Variants in MYLK4 observed in about 807,000 individuals in gnomAD.
MYLK4 encodes myosin light chain kinase family member 4, also known as caMLCK like.
In MYLK4, 46 loss-of-function variants were observed where a neutral mutation model predicts 48.1. The ratio of observed to expected loss-of-function variants is 0.96; its 90% CI spans 0.75 to 1.22. The LOEUF (loss-of-function observed/expected upper bound fraction) is 1.22, where lower values mean the gene tolerates loss of function less well. Among genes scored for constraint, MYLK4 ranks in the 50% most tolerant of loss-of-function variants. The pLI is 0.00. For missense variants in MYLK4, 451 were observed against 486.1 expected (o/e 0.93, Z 0.68); for synonymous variants, 170 against 180.8 (o/e 0.94, Z 0.48).
intron 2 of MYLK4, among the ~76,000 whole-genome samples, chr6:2,696,326 G>A (rs1381831182): frequency 3.3e-5 from 5 of 152,188 alleles, no homozygotes. Context: ...CTTATGGATT[G>A]AATGTATCCC....
chr6:2,737,778 T>C (rs981095869), intron 2 of MYLK4, among the ~76,000 whole-genome samples: 38 of 152,050 alleles, frequency 2.5e-4, no homozygotes, highest in African/African-American at 8.9e-4. Flanking sequence ...ACTAGATCTG[T>C]AGGACTCTGA....
intron 2 of MYLK4, among the ~76,000 whole-genome samples, chr6:2,700,951 G>C (rs1009454766): frequency 3.9e-5 from 6 of 152,128 alleles, no homozygotes; most frequent in Non-Finnish European, 7.4e-5. Context: ...TTGCCTTCTT[G>C]GGATTCCGTC....
chr6:2,750,501 A>C (rs1158777224), intron 1 of MYLK4, among the ~76,000 whole-genome samples: 1 of 152,248 alleles, frequency 6.6e-6, no homozygotes, highest in Non-Finnish European at 1.5e-5. Context: ...GCTATTTCTA[A>C]GGCAAACTAC....
chr6:2,765,193 C>CA, the MYLK4 span, among the ~76,000 whole-genome samples: 1 of 84,296 alleles, frequency 1.2e-5, no homozygotes, highest in Non-Finnish European at 2.7e-5. Flanking sequence ...CCCCCCCCCC[C>CA]GCCCCTCCCC....
At chr6:2,696,709 A>G (rs1248468670) in intron 2 of MYLK4, among the ~76,000 whole-genome samples, 13 of 152,270 alleles carry the variant, frequency 8.5e-5, no homozygotes, top group Non-Finnish European at 4.4e-5. Context: ...TTTTAAAAAT[A>G]TATTGATACA....
At chr6:2,724,334 G>A (rs1317691318) in intron 2 of MYLK4, among the ~76,000 whole-genome samples, 1 of 152,204 alleles carries the variant, frequency 6.6e-6, no homozygotes, top group Non-Finnish European at 1.5e-5. Flanking sequence ...CCAAAAAGGA[G>A]TTGTCCTGGA....
the MYLK4 span, among the ~76,000 whole-genome samples, chr6:2,763,656 A>G: frequency 2.8e-4 from 43 of 152,136 alleles, no homozygotes; most frequent in African/African-American, 9.9e-4. Flanking sequence ...CTCCCACCAT[A>G]CTTCCCCACA....
At chr6:2,761,017 C>A in the MYLK4 span, among the ~76,000 whole-genome samples, 1 of 152,112 alleles carries the variant, frequency 6.6e-6, no homozygotes, top group African/African-American at 2.4e-5. Context: ...TAACTGGACT[C>A]AACTGTCCAG....
chr6:2,727,482 C>T (rs1451329418), intron 2 of MYLK4, among the ~76,000 whole-genome samples: 1 of 151,944 alleles, frequency 6.6e-6, no homozygotes, highest in Non-Finnish European at 1.5e-5. Flanking sequence ...TGAGTGGGAA[C>T]CCCCCCAAAG....
chr6:2,673,319 T>C lies in MYLK4; in HGVS notation c.1119+1728A>G, dbSNP rs1760973788. 6.6e-6 allele frequency among the ~76,000 whole-genome samples: 1 copy of C among 152,248 alleles called. No individual in the cohort carries two copies. The highest frequency in any genetic ancestry group is 1.5e-5 in the Non-Finnish European group (1 of 68,046). On this transcript the variant is annotated intron_variant, in intron 11 of 12. Transcript: ENST00000274643. This position sits in a 1 kb window ranked among gnomAD's most constrained non-coding sequence, Gnocchi z 4.2. ...ACTAGGTAATAAGTCTATTTTTACTTGACATCAGTACCAATTATCAAGGAA... is the reference window on the plus strand; with the variant it reads ...ACTAGGTAATAAGTCTATTTTTACTCGACATCAGTACCAATTATCAAGGAA...
At chr6:2,678,867 C>T (rs965956085) in intron 9 of MYLK4, among the ~76,000 whole-genome samples, 1 of 152,060 alleles carries the variant, frequency 6.6e-6, no homozygotes, top group African/African-American at 2.4e-5. Flanking sequence ...CCACGCACGG[C>T]TGATTTTTGT....
intron 3 of MYLK4, 97 bp downstream of exon 3, chr6:2,692,687 A>G: frequency 1.1e-6 from 1 of 896,890 alleles, no homozygotes; most frequent in Non-Finnish European, 1.6e-6. Context: ...CTTCCTGCAC[A>G]GGGCTTTATG....
At position 2,674,617 on chromosome 6, in the gene MYLK4, T is replaced by C. The variant is rs1276524582; in HGVS notation, c.1119+430A>G. Among the ~76,000 whole-genome samples, 5 of 152,360 alleles carry C rather than the reference T, an allele frequency of 3.3e-5. No individual in the cohort carries two copies. In the East Asian group the frequency reaches 9.6e-4, roughly 29 times the overall value. ...GGCCGGGTGCAGTGGCTCAGGCCTG[T>C]AATCCCAGCACTATGGGAGGCCAAG... On this transcript the variant is annotated intron_variant, in intron 11 of 12. Transcript: ENST00000274643.
Position 2,749,340 on chromosome 6 carries a change from G to A in MYLK4, c.-46C>T, listed in dbSNP as rs761683196. 12 of 1,435,716 alleles carry A rather than the reference G, an allele frequency of 8.4e-6. No homozygotes were observed. The highest frequency in any genetic ancestry group is 3.6e-5 in the South Asian group (3 of 83,312). The allele number at this position is 1,435,716 out of a possible 1,614,324, so 88.9% of individuals were successfully genotyped here. On this transcript the variant is annotated 5_prime_UTR_variant, in exon 2 of 13. The change creates a new upstream start codon in the 5' untranslated region. Coordinates refer to ENST00000274643, the MANE Select transcript of MYLK4 (RefSeq NM_001012418.5). ...AGCTACTTTCTGGAGTGTGGTTTTCGTCTCCCTCTGTCTCCGATTTATAAA... is the reference window on the plus strand; with the variant it reads ...AGCTACTTTCTGGAGTGTGGTTTTCATCTCCCTCTGTCTCCGATTTATAAA...
chr6:2,762,378 T>C, the MYLK4 span, among the ~76,000 whole-genome samples: 1 of 152,220 alleles, frequency 6.6e-6, no homozygotes, highest in Non-Finnish European at 1.5e-5. Context: ...TGATTACAAG[T>C]AGACTTGTAG....
At chr6:2,678,713 T>TG (rs1761180111) in intron 9 of MYLK4, among the ~76,000 whole-genome samples, 1 of 110,042 alleles carries the variant, frequency 9.1e-6, no homozygotes, top group African/African-American at 3.0e-5. Context: ...GGAGATCAGT[T>TG]TTTTTTTTTT....
chr6:2,769,606 C>T, the MYLK4 span, among the ~76,000 whole-genome samples: 7 of 152,046 alleles, frequency 4.6e-5, no homozygotes, highest in South Asian at 1.2e-3. Flanking sequence ...AAAGTTCTGA[C>T]GAGGCGTTAG....
intron 2 of MYLK4, among the ~76,000 whole-genome samples, chr6:2,747,356 T>A (rs1380397500): frequency 1.3e-5 from 2 of 152,150 alleles, no homozygotes; most frequent in Admixed American, 6.5e-5. Context: ...TCTTTTTTTT[T>A]ATCTTCAGAA....
intron 6 of MYLK4, among the ~76,000 whole-genome samples, chr6:2,683,391 T>TTTTTTGTG (rs556476421): frequency 7.9e-6 from 1 of 126,662 alleles, no homozygotes; most frequent in East Asian, 2.3e-4. Context: ...CCCCACCTTT[T>TTTTTTGTG]TGTGTGTGTG....
Sources: allele counts gnomAD v4.1 joint callset (sites outside exome capture counted in the v4.1 genomes callset), GRCh38; gene constraint gnomAD v4.1.1; non-coding constraint Gnocchi (gnomAD v3.1); transcripts MANE v1.5; gene names NCBI Gene and HGNC (gene_info 2026-07-23, HGNC 2026-07-21).